Variants in HDX observed in about 807,000 individuals in gnomAD.
HDX encodes the protein chromosome X open reading frame 43.
In HDX, 19 loss-of-function variants were observed where a neutral mutation model predicts 45.2. That is an observed-to-expected ratio of 0.42 (90% confidence interval 0.29 to 0.62). The LOEUF is 0.62. HDX is among the 20% of genes least tolerant of loss of function. The probability of loss-of-function intolerance (pLI) is 0.20; values close to 1 mark genes in which losing one functional copy is unlikely to be tolerated. For synonymous variants in HDX, 188 were observed against 172.8 expected (o/e 1.09, Z -0.69); for missense variants, 532 against 493.9 (o/e 1.08, Z -0.73).
At chrX:84,491,175 T>G (rs903509344) in intron 1 of HDX, among the ~76,000 whole-genome samples, 1 of 111,885 alleles carries the variant, frequency 8.9e-6, no homozygotes, top group Non-Finnish European at 1.9e-5. Flanking sequence ...GGATGGTAGG[T>G]TGAATGACAT....
At chrX:84,351,397 G>A (rs993938748) in intron 6 of HDX, among the ~76,000 whole-genome samples, 1 of 110,705 alleles carries the variant, frequency 9.0e-6, no homozygotes, top group African/African-American at 3.3e-5. Context: ...TTGCGGAGGT[G>A]GGGGCATCTA....
At chrX:84,351,380 T>C (rs944972522) in intron 6 of HDX, among the ~76,000 whole-genome samples, 3 of 110,964 alleles carry the variant, frequency 2.7e-5, no homozygotes, top group Non-Finnish European at 5.7e-5. Flanking sequence ...TTTTGTTTTG[T>C]TTTGCTTTGC....
At position 84,420,250 on chromosome X, in the gene HDX, T is replaced by A. The variant is rs768297827; in HGVS notation, c.1305+20282A>T. Reference sequence around the variant, plus strand: ...TAACTAAATTCAAGGAAATTCAAGATAACACTGAAGGAATTCAGAATTCTA... The same window carrying A: ...TAACTAAATTCAAGGAAATTCAAGAAAACACTGAAGGAATTCAGAATTCTA... On this transcript the variant is annotated intron_variant, in intron 5 of 10. Coordinates refer to ENST00000373177, the MANE Select transcript of HDX (RefSeq NM_001177479.2). Among the ~76,000 whole-genome samples the A allele has an allele frequency of 1.2e-3, 133 of 112,147 alleles. 1 individual carries two copies. The highest frequency in any genetic ancestry group is 4.2e-3 in the African/African-American group (130 of 30,935).
At chrX:84,336,456 A>G (rs1444424155) in intron 8 of HDX, among the ~76,000 whole-genome samples, 1 of 111,253 alleles carries the variant, frequency 9.0e-6, no homozygotes, top group Non-Finnish European at 1.9e-5. Context: ...ATCTCATGCT[A>G]AACTCTGTTT....
chrX:84,342,606 A>G (rs1189206664), intron 7 of HDX, among the ~76,000 whole-genome samples: 2 of 110,849 alleles, frequency 1.8e-5, no homozygotes, highest in Non-Finnish European at 3.8e-5. Flanking sequence ...GTAAAAGATG[A>G]GTTATTCAAC....
chrX:84,386,107 A>G (rs1045386976), intron 5 of HDX, among the ~76,000 whole-genome samples: 3 of 110,815 alleles, frequency 2.7e-5, no homozygotes, highest in Non-Finnish European at 5.7e-5. Flanking sequence ...GTATATTGAG[A>G]TGATTATATG....
intron 1 of HDX, among the ~76,000 whole-genome samples, chrX:84,497,491 A>T (rs2041025796): frequency 1.8e-5 from 2 of 111,617 alleles, no homozygotes; most frequent in South Asian, 7.5e-4. Context: ...TTGGTTTGAC[A>T]GTAAGAAAGA....
rs777028197 is a variant in HDX at position 84,350,647 on chromosome X, C to T, written c.1453-6190G>A. On this transcript the variant is annotated intron_variant, in intron 6 of 10. Coordinates refer to ENST00000373177, the MANE Select transcript of HDX (RefSeq NM_001177479.2). ...TTTATCCGATATTATTGTATCAACT[C>T]CTGCTTTATTTTGATTCATGTTTGC... Among the ~76,000 whole-genome samples the T allele has an allele frequency of 4.5e-5, 5 of 111,425 alleles. No homozygotes were observed. The South Asian group carries it at 1.1e-3, about 25-fold the overall frequency.
intron 5 of HDX, among the ~76,000 whole-genome samples, chrX:84,380,262 T>G (rs1288469603): frequency 9.2e-6 from 1 of 108,754 alleles, no homozygotes; most frequent in Admixed American, 9.8e-5. Flanking sequence ...CAGGACCCAG[T>G]GGTTTCACTG....
intron 5 of HDX, among the ~76,000 whole-genome samples, chrX:84,365,274 G>A (rs1357091325): frequency 9.0e-6 from 1 of 111,430 alleles, no homozygotes; most frequent in Non-Finnish European, 1.9e-5. Flanking sequence ...ATTCCTAGCA[G>A]TGTGTTTTGA....
intron 4 of HDX, among the ~76,000 whole-genome samples, chrX:84,454,528 C>G (rs2040070066): frequency 1.8e-5 from 2 of 111,079 alleles, no homozygotes; most frequent in Admixed American, 1.9e-4. Context: ...AGGACTTTGT[C>G]TTGTGGCTTG....
chrX:84,489,689 G>C (rs915059758), intron 1 of HDX, among the ~76,000 whole-genome samples: 1 of 112,127 alleles, frequency 8.9e-6, no homozygotes, highest in African/African-American at 3.2e-5. Context: ...GTATGGTAGA[G>C]GGAGAGAGTT....
intron 5 of HDX, among the ~76,000 whole-genome samples, chrX:84,404,616 G>A (rs1217311369): frequency 9.0e-6 from 1 of 110,995 alleles, no homozygotes; most frequent in Non-Finnish European, 1.9e-5. Context: ...AGAAAATGAA[G>A]GTTTATAGAA....
At chrX:84,368,531 T>C (rs1246410489) in intron 5 of HDX, among the ~76,000 whole-genome samples, 1 of 112,179 alleles carries the variant, frequency 8.9e-6, no homozygotes, top group Non-Finnish European at 1.9e-5. Flanking sequence ...AAGCCTCTTA[T>C]GTGACTTTTT....
chrX:84,440,015 G>A (rs547649846), intron 5 of HDX: 1 of 111,454 alleles, frequency 9.0e-6, no homozygotes, highest in Non-Finnish European at 1.9e-5. Flanking sequence ...ACACAAAAAT[G>A]AATGAGATTC....
At chrX:84,408,053 C>T (rs2038875832) in intron 5 of HDX, among the ~76,000 whole-genome samples, 1 of 111,553 alleles carries the variant, frequency 9.0e-6, no homozygotes, top group Non-Finnish European at 1.9e-5. Context: ...TTAATTAGGT[C>T]CCATTTATCA....
intron 1 of HDX, among the ~76,000 whole-genome samples, chrX:84,490,617 C>T (rs940028443): frequency 9.1e-6 from 1 of 110,297 alleles, no homozygotes; most frequent in Non-Finnish European, 1.9e-5. Context: ...TGATGATTTC[C>T]TTTAACAGTT....
chrX:84,377,775 C>A (rs1314563537), intron 5 of HDX, among the ~76,000 whole-genome samples: 2 of 110,376 alleles, frequency 1.8e-5, no homozygotes, highest in Non-Finnish European at 3.8e-5. Context: ...CTCAAAAGGG[C>A]AAATCTAAGA....
intron 5 of HDX, among the ~76,000 whole-genome samples, chrX:84,407,138 G>A (rs2038848771): frequency 1.8e-5 from 2 of 111,211 alleles, no homozygotes; most frequent in Non-Finnish European, 3.8e-5. Flanking sequence ...GGACTTTGGT[G>A]TACAGATTAT....
Sources: allele counts gnomAD v4.1 joint callset (sites outside exome capture counted in the v4.1 genomes callset), GRCh38; gene constraint gnomAD v4.1.1; transcripts MANE v1.5; gene names NCBI Gene and HGNC (gene_info 2026-07-23, HGNC 2026-07-21).